Variants in SLC30A9 observed in about 807,000 individuals in gnomAD.
SLC30A9 encodes the protein proton-coupled zinc antiporter SLC30A9, mitochondrial.
A neutral mutation model predicts 87.5 loss-of-function variants in SLC30A9; 58 were observed. The observed-to-expected ratio is 0.66, with a 90% CI of 0.54 to 0.82. The LOEUF is 0.82. Among genes scored for constraint, SLC30A9 ranks in the 40% least tolerant of loss-of-function variants. SLC30A9 has a pLI of 0.00. For synonymous variants in SLC30A9, 234 were observed against 233.0 expected, an observed-to-expected ratio of 1.00 and a Z score of -0.04; for missense variants, 557 against 679.1, an observed-to-expected ratio of 0.82 and a Z score of 2.00.
chr4:42,072,067 A>G (rs548081549), intron 15 of SLC30A9, among the ~76,000 whole-genome samples: 5 of 152,208 alleles, frequency 3.3e-5, no homozygotes, highest in Non-Finnish European at 7.3e-5. Context: ...TTGTTGGTAT[A>G]CAGCTATTTA....
At chr4:42,066,736 C>T in intron 13 of SLC30A9, 115 bp downstream of exon 13, 1 of 625,590 alleles carries the variant, frequency 1.6e-6, no homozygotes, top group East Asian at 2.8e-5. Flanking sequence ...TGAATATCAT[C>T]CCTGTGTGGC....
At position 42,022,960 on chromosome 4, in the gene SLC30A9, T is replaced by C. The variant is rs542509954; in HGVS notation, c.527+30T>C. 1.6e-5 allele frequency: 22 copies of C among 1,343,260 alleles called. No homozygotes were observed. In the South Asian group the frequency reaches 2.9e-4, roughly 18 times the overall value. The allele number at this position is 1,343,260 out of a possible 1,614,324, so 83.2% of individuals were successfully genotyped here. On this transcript the variant is annotated intron_variant, in intron 5 of 17. Transcript: ENST00000264451. ...GAACATAGTTCTTTCAGAATAAAAG[T>C]GCAAACCAAATTTTGGATTAATAAA...
chr4:42,006,657 A>AG (rs1715213740), intron 2 of SLC30A9, among the ~76,000 whole-genome samples: 1 of 150,390 alleles, frequency 6.6e-6, no homozygotes, highest in African/African-American at 2.5e-5. Flanking sequence ...ACTGCACTCT[A>AG]GCCTGGGCAA....
In SLC30A9 at chr4:42,066,616, A is replaced by T; in HGVS notation, c.1139A>T (p.Lys380Met). The change falls in exon 13 of 18, where the codon AAG (lysine) becomes ATG (methionine). Residue 380 changes from lysine (K) to methionine (M), a missense_variant. By Grantham distance (95) the Lys-to-Met change is moderately conservative. This residue lies in a region of SLC30A9 where 467 missense variants were observed against 529.8 expected (regional missense o/e 0.88). Coordinates refer to ENST00000264451, the MANE Select transcript of SLC30A9 (RefSeq NM_006345.4). ...NARAKGMSFY[K>M]YVMESRDPST... is the part of the protein sequence containing the mutation. ...CGGGCTAAAGGAATGTCATTTTACAAGTATGGTATGTATTTTAGAAACCAA... is the reference window on the plus strand; with the variant it reads ...CGGGCTAAAGGAATGTCATTTTACATGTATGGTATGTATTTTAGAAACCAA... The T allele has an allele frequency of 6.2e-7, 1 of 1,605,068 alleles. No homozygotes were observed. Among genetic ancestry groups the T allele is most frequent in the Non-Finnish European group, 8.5e-7 (1 of 1,173,344 alleles).
At chr4:42,025,247 T>A (rs1269794834) in intron 6 of SLC30A9, among the ~76,000 whole-genome samples, 1 of 152,238 alleles carries the variant, frequency 6.6e-6, no homozygotes, top group Admixed American at 6.5e-5. Context: ...TTTGTTTTAG[T>A]CAGTTCATGT....
chr4:42,034,991 G>A (rs1182618483), intron 6 of SLC30A9, among the ~76,000 whole-genome samples: 2 of 152,016 alleles, frequency 1.3e-5, no homozygotes, highest in Non-Finnish European at 2.9e-5. Context: ...GATGTGAGGT[G>A]ATATCTCATT....
intron 15 of SLC30A9, among the ~76,000 whole-genome samples, chr4:42,071,310 TC>T (rs998327067): frequency 6.6e-6 from 1 of 152,176 alleles, no homozygotes; most frequent in African/African-American, 2.4e-5. Flanking sequence ...AACCCAGTTT[TC>T]TACTAACTCG....
intron 11 of SLC30A9, among the ~76,000 whole-genome samples, chr4:42,065,058 A>G (rs1426776285): frequency 6.6e-6 from 1 of 152,214 alleles, no homozygotes; most frequent in Non-Finnish European, 1.5e-5. Flanking sequence ...GGTATTAGGC[A>G]TGGAAGCAAA....
At chr4:42,076,615 A>C (rs1327186611) in intron 16 of SLC30A9, among the ~76,000 whole-genome samples, 1 of 152,114 alleles carries the variant, frequency 6.6e-6, no homozygotes, top group Non-Finnish European at 1.5e-5. Context: ...TCCTATGAAT[A>C]TGCTGTAATT....
chr4:41,996,603 T>G (rs1437789511), intron 1 of SLC30A9, among the ~76,000 whole-genome samples: 2 of 151,608 alleles, frequency 1.3e-5, no homozygotes, highest in Non-Finnish European at 2.9e-5. Flanking sequence ...TGTAGCCAGG[T>G]AGGGTGGCAC....
rs1717937228 is a variant in SLC30A9, at chr4:42,063,242, G to GT, written c.1032+122dup. On this transcript the variant is annotated intron_variant, in intron 11 of 17. Coordinates refer to ENST00000264451, the MANE Select transcript of SLC30A9 (RefSeq NM_006345.4). ...ACATACACCTTCTTGACTGTGTATT[G>GT]TAGGGTTATATATCTATAGTTTAAT... 7.8e-5 allele frequency: 61 copies of GT among 783,604 alleles called. 1 individual carries two copies. In the South Asian group the frequency reaches 1.1e-3, roughly 14 times the overall value. 48.5% of individuals were successfully genotyped at this position (783,604 alleles called of 1,614,324 possible).
intron 17 of SLC30A9, among the ~76,000 whole-genome samples, chr4:42,082,211 C>T (rs1010365501): frequency 5.7e-5 from 8 of 140,446 alleles, no homozygotes; most frequent in African/African-American, 7.7e-5. Context: ...ACCGAGACTC[C>T]GTCTCAAAAA....
chr4:42,054,100 A>T (rs956488942), intron 9 of SLC30A9, among the ~76,000 whole-genome samples: 6 of 152,160 alleles, frequency 3.9e-5, no homozygotes, highest in Non-Finnish European at 7.4e-5. Context: ...CATGCCTGTA[A>T]TTCCAGCACA....
rs535760047 is a variant in SLC30A9, at chr4:42,086,760, C to T, written c.*634C>T. Reference sequence around the variant, plus strand: ...TTGAATGAAGACATCTCAGTACACTCTTTTAGGTCATAGTAGTTGCCATTT... The same window carrying T: ...TTGAATGAAGACATCTCAGTACACTTTTTTAGGTCATAGTAGTTGCCATTT... On this transcript the variant is annotated 3_prime_UTR_variant, in exon 18 of 18. Coordinates refer to ENST00000264451, the MANE Select transcript of SLC30A9 (RefSeq NM_006345.4). 1.3e-5 allele frequency: 2 copies of T among 152,738 alleles called. No homozygotes were observed. Among genetic ancestry groups the T allele is most frequent in the South Asian group, 4.1e-4 (2 of 4,824 alleles). 9.5% of individuals were successfully genotyped at this position (152,738 alleles called of 1,614,324 possible).
intron 1 of SLC30A9, among the ~76,000 whole-genome samples, chr4:42,001,109 A>T (rs564103691): frequency 1.3e-5 from 2 of 152,142 alleles, no homozygotes; most frequent in South Asian, 4.1e-4. Context: ...AAAATTCCCC[A>T]TTTACTGAGG....
At chr4:42,064,528 TAAAAC>T (rs1718005359) in intron 11 of SLC30A9, among the ~76,000 whole-genome samples, 1 of 152,210 alleles carries the variant, frequency 6.6e-6, no homozygotes, top group Non-Finnish European at 1.5e-5. Flanking sequence ...TTCATATAAT[TAAAAC>T]AAACAAATGT....
Position 42,087,850 on chromosome 4 carries a change from T to G in SLC30A9, c.*1724T>G, listed in dbSNP as rs953060275. 3 of 152,040 alleles carry G rather than the reference T, an allele frequency of 2.0e-5. No homozygotes were observed. The highest frequency in any genetic ancestry group is 4.1e-4 in the South Asian group (2 of 4,834). The allele number at this position is 152,040 out of a possible 1,614,324, so 9.4% of individuals were successfully genotyped here. A position where few individuals can be genotyped will look rare whatever the true frequency, so the allele number is the denominator to read the frequency against. On this transcript the variant is annotated 3_prime_UTR_variant, in exon 18 of 18. Coordinates refer to ENST00000264451, the MANE Select transcript of SLC30A9 (RefSeq NM_006345.4). ...TTTATTACTTCATGTCATTGCCATA[T>G]GAGAAAGTACCAAATTATATCCAGT...
In SLC30A9 at chr4:42,067,200, T is replaced by C. The variant is rs1455975399; in HGVS notation, c.1252+8T>C. 6.8e-7 allele frequency: 1 copy of C among 1,460,174 alleles called. No individual in the cohort carries two copies. Among genetic ancestry groups the C allele is most frequent in the Admixed American group, 1.7e-5 (1 of 59,380 alleles). The allele number at this position is 1,460,174 out of a possible 1,614,324, so 90.5% of individuals were successfully genotyped here. A position where few individuals can be genotyped will look rare whatever the true frequency, so the allele number is the denominator to read the frequency against. On this transcript the variant is annotated splice_region_variant and intron_variant, in intron 14 of 17. Transcript: ENST00000264451. ...GCCTTACTTCTATAACAGGTAAATA[T>C]TCCTTAAATTACAGGTGATTTATTT...
chr4:41,992,758 A>G (rs1714508775), intron 1 of SLC30A9, among the ~76,000 whole-genome samples: 1 of 152,240 alleles, frequency 6.6e-6, no homozygotes, highest in Non-Finnish European at 1.5e-5. Flanking sequence ...AGTTTCAGTA[A>G]TGAAGCATTT....
Sources: allele counts gnomAD v4.1 joint callset (sites outside exome capture counted in the v4.1 genomes callset), GRCh38; gene constraint gnomAD v4.1.1; regional missense constraint gnomAD v4.1.1; transcripts MANE v1.5; gene names NCBI Gene and HGNC (gene_info 2026-07-23, HGNC 2026-07-21).